Variants in PTPRM observed in about 807,000 individuals in gnomAD.
The protein encoded by PTPRM is protein tyrosine phosphatase receptor type M.
In PTPRM, 47 loss-of-function variants were observed where a neutral mutation model predicts 186.7. That is an observed-to-expected ratio of 0.25 (90% CI 0.20 to 0.32). The LOEUF is 0.32. Among genes scored for constraint, PTPRM ranks in the 10% least tolerant of loss-of-function variants. PTPRM has a pLI of 1.00. For synonymous variants in PTPRM, 668 were observed against 674.9 expected, an observed-to-expected ratio of 0.99 and a Z score of 0.16; for missense variants, 1,494 against 1,865.0, an observed-to-expected ratio of 0.80 and a Z score of 3.66.
At chr18:7,591,816 G>T (rs930561452) in intron 1 of PTPRM, among the ~76,000 whole-genome samples, 10 of 152,134 alleles carry the variant, frequency 6.6e-5, no homozygotes, top group African/African-American at 2.4e-4. Flanking sequence ...TTTATGAACC[G>T]TGATTGACAG....
intron 23 of PTPRM, among the ~76,000 whole-genome samples, chr18:8,366,307 CCA>C (rs141930618): frequency 0.018 from 2,694 of 152,320 alleles, 89 homozygotes; most frequent in African/African-American, 0.062. Flanking sequence ...TCCTTGCTAC[CCA>C]CAGTGTGGTC....
rs76904973 is a variant in PTPRM, at chr18:8,165,924, G to A, written c.2300+22145G>A. ...ATTTGCTACCTAACACTTAGGGCTC[G>A]GGTCCCTCTCAGTTGAATGAAGCTC... On this transcript the variant is annotated intron_variant, in intron 14 of 32. Coordinates refer to ENST00000580170, the MANE Select transcript of PTPRM (RefSeq NM_001105244.2). Among the ~76,000 whole-genome samples the A allele has an allele frequency of 2.4e-3, 371 of 152,136 alleles. 2 individuals carry two copies. Among genetic ancestry groups the A allele is most frequent in the African/African-American group, 8.3e-3 (344 of 41,498 alleles).
rs189456954 is a variant in PTPRM at position 7,574,797 on chromosome 18, C to T, written c.73+6906C>T. ...CTGTAATCCCAATACTTTGGGAGGC[C>T]GAGGCAGGTGGATCACGAGGTCAGG... On this transcript the variant is annotated intron_variant, in intron 1 of 32. Coordinates refer to ENST00000580170, the MANE Select transcript of PTPRM (RefSeq NM_001105244.2). Among the ~76,000 whole-genome samples the T allele has an allele frequency of 2.0e-5, 3 of 152,258 alleles. No individual in the cohort carries two copies. The East Asian group carries it at 5.8e-4, about 29-fold the overall frequency.
intron 32 of PTPRM, 74 bp from the exon 33 acceptor site, chr18:8,406,035 C>G (rs889439465): frequency 1.4e-4 from 180 of 1,329,864 alleles, no homozygotes; most frequent in Non-Finnish European, 1.9e-4. Flanking sequence ...TAAGACCCTA[C>G]TCTATGGTAA....
chr18:8,290,699 T>G (rs902897431), intron 19 of PTPRM, among the ~76,000 whole-genome samples: 1 of 152,162 alleles, frequency 6.6e-6, no homozygotes, highest in African/African-American at 2.4e-5. Flanking sequence ...TTTTTATTGT[T>G]TTGGAGACTT....
intron 2 of PTPRM, among the ~76,000 whole-genome samples, chr18:7,793,995 C>T (rs1195347895): frequency 2.6e-5 from 4 of 152,150 alleles, no homozygotes; most frequent in East Asian, 1.9e-4. Context: ...CGGAACGATG[C>T]GGAGGTTAGC....
intron 7 of PTPRM, among the ~76,000 whole-genome samples, chr18:8,012,060 T>C (rs1035596404): frequency 6.6e-6 from 1 of 152,214 alleles, no homozygotes; most frequent in Non-Finnish European, 1.5e-5. Flanking sequence ...CTGGTTACTC[T>C]CTAGTGGACC....
intron 1 of PTPRM, among the ~76,000 whole-genome samples, chr18:7,706,916 A>G (rs1199280300): frequency 6.6e-6 from 1 of 152,014 alleles, no homozygotes; most frequent in Non-Finnish European, 1.5e-5. Flanking sequence ...CTAGGAGAGA[A>G]ATTTTTTCTT....
At position 8,296,570 on chromosome 18, in the gene PTPRM, C is replaced by A. The variant is rs574136324; in HGVS notation, c.2842+115C>A. 94 of 691,552 alleles carry A rather than the reference C, an allele frequency of 1.4e-4. 2 individuals are homozygous for A. In the East Asian group the frequency reaches 2.5e-3, roughly 19 times the overall value. 42.8% of individuals were successfully genotyped at this position (691,552 alleles called of 1,614,324 possible). On this transcript the variant is annotated intron_variant, in intron 20 of 32. Coordinates refer to ENST00000580170, the MANE Select transcript of PTPRM (RefSeq NM_001105244.2). ...CAGTGCAATTACCTCCTTCATCCTT[C>A]TAGAACAGCTGGTGTTAACGCTCGT...
chr18:8,098,951 C>T (rs572507284), intron 11 of PTPRM, among the ~76,000 whole-genome samples: 20 of 152,196 alleles, frequency 1.3e-4, no homozygotes, highest in Non-Finnish European at 2.2e-4. Flanking sequence ...GGGGAAGCCT[C>T]TGGCTTCTAC....
intron 14 of PTPRM, among the ~76,000 whole-genome samples, chr18:8,205,577 T>C (rs1158577562): frequency 1.3e-5 from 2 of 152,344 alleles, no homozygotes; most frequent in East Asian, 3.9e-4. Flanking sequence ...TATAGTTATA[T>C]TTGGAATGAT....
At chr18:8,029,918 G>C (rs923642501) in intron 7 of PTPRM, among the ~76,000 whole-genome samples, 9 of 152,040 alleles carry the variant, frequency 5.9e-5, no homozygotes, top group African/African-American at 2.2e-4. Context: ...TGCATGCCTC[G>C]GCCCTGTGAT....
intron 7 of PTPRM, among the ~76,000 whole-genome samples, chr18:7,985,535 A>G (rs965677838): frequency 7.4e-5 from 11 of 148,626 alleles, no homozygotes; most frequent in African/African-American, 2.2e-4. Context: ...ATACGTATAT[A>G]AATATATACA....
chr18:7,849,815 C>T (rs946098590), intron 2 of PTPRM, among the ~76,000 whole-genome samples: 6 of 152,136 alleles, frequency 3.9e-5, no homozygotes, highest in Admixed American at 2.6e-4. Context: ...CAGAAGTGAG[C>T]AACTCCAGAA....
At chr18:8,156,210 AC>A (rs1402317024) in intron 14 of PTPRM, among the ~76,000 whole-genome samples, 1 of 152,162 alleles carries the variant, frequency 6.6e-6, no homozygotes, top group Non-Finnish European at 1.5e-5. Flanking sequence ...TCCTAAAGTA[AC>A]CCCTATTTCT....
intron 1 of PTPRM, among the ~76,000 whole-genome samples, chr18:7,765,235 A>G (rs1162052704): frequency 6.6e-6 from 1 of 152,240 alleles, no homozygotes; most frequent in African/African-American, 2.4e-5. Context: ...AATAAATCAT[A>G]GAAACTTCAA....
intron 11 of PTPRM, 72 bp from the exon 12 acceptor site, chr18:8,113,414 C>T: frequency 1.4e-6 from 2 of 1,388,160 alleles, no homozygotes; most frequent in Non-Finnish European, 2.0e-6. Context: ...CCTGTGGGTC[C>T]ATGCAGTTGA....
chr18:7,807,866 T>A (rs1435399718), intron 2 of PTPRM, among the ~76,000 whole-genome samples: 2 of 152,240 alleles, frequency 1.3e-5, no homozygotes, highest in African/African-American at 2.4e-5. Flanking sequence ...CTATGTAATG[T>A]TACCGTTGGT....
chr18:8,240,776 G>GA, intron 14 of PTPRM, among the ~76,000 whole-genome samples: 1 of 61,506 alleles, frequency 1.6e-5, no homozygotes. Context: ...GAGAGAGAGA[G>GA]GGAGAGAGAG....
Sources: gnomAD v4.1 joint callset for allele counts (sites outside exome capture counted in the v4.1 genomes callset) on GRCh38, gnomAD v4.1.1 for gene constraint, MANE v1.5 for transcripts, NCBI Gene and HGNC (gene_info 2026-07-23, HGNC 2026-07-21) for gene names.